The following CACNA1S variants were observed in gnomAD, a reference collection of about 807,000 sequenced individuals.
CACNA1S encodes the protein voltage-dependent L-type calcium channel subunit alpha-1S.
A neutral mutation model predicts 207.4 loss-of-function variants in CACNA1S; 126 were observed. That is an observed-to-expected ratio of 0.61 (90% CI 0.53 to 0.70). The LOEUF is 0.70. Among genes scored for constraint, CACNA1S ranks in the 30% least tolerant of loss-of-function variants. CACNA1S has a pLI of 0.00. For missense variants in CACNA1S, 2,349 were observed against 2,422.8 expected (o/e 0.97, Z 0.64); for synonymous variants, 960 against 932.7 (o/e 1.03, Z -0.53).
In CACNA1S at chr1:201,074,604, G is replaced by A; in HGVS notation, c.1965C>T (p.Val655=). 3 of 1,612,596 alleles carry A rather than the reference G, an allele frequency of 1.9e-6. No homozygotes were observed. The highest frequency in any genetic ancestry group is 1.1e-5 in the South Asian group (1 of 90,916). The change falls in exon 14 of 44, where the codon GTC becomes GTT. Residue 655 remains valine (V), a synonymous_variant. Coordinates refer to ENST00000362061, the MANE Select transcript of CACNA1S (RefSeq NM_000069.3). ...GGTTGTCCACGGCAATGGCCAGGAAGACATTGAGCAGGATGTCTGAGCGGG... is the reference window on the plus strand; with the variant it reads ...GGTTGTCCACGGCAATGGCCAGGAAAACATTGAGCAGGATGTCTGAGCGGG... The part of the protein sequence containing the change: ...FVCGNYILLN[V]FLAIAVDNLA...
At chr1:201,074,464 G>A (rs774212181) in intron 14 of CACNA1S, 42 bp downstream of exon 14, 9 of 1,297,850 alleles carry the variant, frequency 6.9e-6, no homozygotes, top group South Asian at 6.0e-5. Context: ...CCATGGCCAC[G>A]ACTGAGCACT....
chr1:201,097,535 C>G (rs142173496), intron 2 of CACNA1S, among the ~76,000 whole-genome samples: 4 of 152,198 alleles, frequency 2.6e-5, no homozygotes, highest in Admixed American at 6.5e-5. Context: ...TCTGACCCCC[C>G]ACAGGGAGCA....
chr1:201,053,135 T>G lies in CACNA1S; in HGVS notation c.3861+74A>C. On this transcript the variant is annotated intron_variant, in intron 31 of 43. Transcript: ENST00000362061. This position sits in a 1 kb window ranked among gnomAD's most constrained non-coding sequence, Gnocchi z 5.1. ...GGTCCAGCCCGTGTGCTGCTCAGGC[T>G]CCTCAGGGTCCACTGATGCCCCCTC... is the stretch of plus-strand genomic sequence containing the variant. 6.5e-7 allele frequency: 1 copy of G among 1,532,598 alleles called. No homozygotes were observed. Among genetic ancestry groups the G allele is most frequent in the African/African-American group, 1.4e-5 (1 of 73,390 alleles). The allele number at this position is 1,532,598 out of a possible 1,614,324, so 94.9% of individuals were successfully genotyped here. A position where few individuals can be genotyped will look rare whatever the true frequency, so the allele number is the denominator to read the frequency against.
chr1:201,110,524 C>T (rs1663059553), intron 1 of CACNA1S, among the ~76,000 whole-genome samples: 1 of 152,182 alleles, frequency 6.6e-6, no homozygotes, highest in Admixed American at 6.5e-5. Flanking sequence ...TGGCAAAGGT[C>T]TGGTCCCTGG....
At position 201,083,189 on chromosome 1, in the gene CACNA1S, G is replaced by A; in HGVS notation, c.1366C>T (p.Gln456Ter). 3.1e-6 allele frequency: 5 copies of A among 1,614,220 alleles called. No homozygotes were observed. The highest frequency in any genetic ancestry group is 4.2e-6 in the Non-Finnish European group (5 of 1,180,036). Residue 456 changes from glutamine to a stop codon, truncating the protein, a stop_gained, in exon 10 of 44, where the codon CAG becomes TAG. Coordinates refer to ENST00000362061, the MANE Select transcript of CACNA1S (RefSeq NM_000069.3). LOFTEE classifies it high-confidence loss of function. Reference sequence around the variant, plus strand: ...TGCAAACGGGTCAGCCAGAGAGGCTGGTTGTGGTGCTCTGAGGCGATAGAC... The same window carrying A: ...TGCAAACGGGTCAGCCAGAGAGGCTAGTTGTGGTGCTCTGAGGCGATAGAC... ...TLSIASEHHN[Q>*]PLWLTRLQDI...
At chr1:201,091,578 G>A in intron 5 of CACNA1S, 62 bp downstream of exon 5, 2 of 1,587,838 alleles carry the variant, frequency 1.3e-6, no homozygotes, top group Non-Finnish European at 1.7e-6. Context: ...CAGGTAGGGT[G>A]GCTCCCCCTT....
At chr1:201,098,063 T>C (rs973681858) in intron 2 of CACNA1S, among the ~76,000 whole-genome samples, 1 of 152,246 alleles carries the variant, frequency 6.6e-6, no homozygotes, top group African/African-American at 2.4e-5. Flanking sequence ...TGTTTTTAGC[T>C]GTTGTCAAAA....
intron 7 of CACNA1S, 106 bp from the exon 8 acceptor site, chr1:201,085,687 C>T: frequency 2.2e-6 from 3 of 1,363,284 alleles, no homozygotes; most frequent in Non-Finnish European, 3.1e-6. Context: ...CTGGAGCGCT[C>T]CTTTTTCTGG....
At chr1:201,091,513 C>A (rs1354226295) in intron 5 of CACNA1S, 127 bp downstream of exon 5, 11 of 1,061,698 alleles carry the variant, frequency 1.0e-5, no homozygotes, top group Non-Finnish European at 1.6e-5. Flanking sequence ...AGGAGAAACC[C>A]ATTCTCAAGG....
Position 201,093,946 on chromosome 1 carries a change from A to G in CACNA1S, c.334T>C (p.Phe112Leu). 1 of 1,614,192 alleles carries G rather than the reference A, an allele frequency of 6.2e-7. No individual in the cohort carries two copies. The highest frequency in any genetic ancestry group is 1.1e-5 in the South Asian group (1 of 91,084). The change falls in exon 3 of 44, where the codon TTC (phenylalanine) becomes CTC (leucine). Residue 112 changes from phenylalanine (F) to leucine (L), a missense_variant. By Grantham distance (22) the Phe-to-Leu change is conservative (BLOSUM62 0). Coordinates refer to ENST00000362061, the MANE Select transcript of CACNA1S (RefSeq NM_000069.3). Reference protein sequence around the residue: ...AMKIIAYGFLFHQDAYLRSGW... With the variant: ...AMKIIAYGFLLHQDAYLRSGW... ...CTGCGCAGGTAAGCGTCCTGGTGGA[A>G]TAAGAAGCCGTAGGCAATGATCTTC...
Position 201,058,467 on chromosome 1 carries a change from C to G in CACNA1S, c.3550G>C (p.Val1184Leu). 6.2e-7 allele frequency: 1 copy of G among 1,614,126 alleles called. No individual in the cohort carries two copies. The highest frequency in any genetic ancestry group is 8.5e-7 in the Non-Finnish European group (1 of 1,179,964). Reference protein sequence around the residue: ...ARGYFGDPWNVFDFLIVIGSI... With the variant: ...ARGYFGDPWNLFDFLIVIGSI... ...CCAATGACAATCAGGAAGTCAAACA[C>G]ATTCCAGGGGTCTCCAAAGTAGCCC... Residue 1184 changes from valine to leucine, a missense_variant, in exon 28 of 44, where the codon GTG (valine) becomes CTG (leucine). Physicochemically the swap from Val to Leu is conservative, Grantham distance 32. Coordinates refer to ENST00000362061, the MANE Select transcript of CACNA1S (RefSeq NM_000069.3).
intron 10 of CACNA1S, among the ~76,000 whole-genome samples, chr1:201,081,907 T>C (rs565909323): frequency 1.3e-5 from 2 of 152,326 alleles, no homozygotes; most frequent in Admixed American, 6.5e-5. Flanking sequence ...TCCATCACGA[T>C]TGTAGGCTTT....
intron 18 of CACNA1S, 114 bp downstream of exon 18, chr1:201,069,358 T>C (rs1006454598): frequency 2.6e-6 from 4 of 1,513,776 alleles, no homozygotes; most frequent in African/African-American, 1.4e-5. Context: ...GGAACTGAAC[T>C]CTAAGAAACT....
chr1:201,065,972 T>G (rs1303132705), intron 21 of CACNA1S, 27 bp from the exon 22 acceptor site: 2 of 1,505,568 alleles, frequency 1.3e-6, no homozygotes, highest in Non-Finnish European at 1.8e-6. Context: ...CAATGGGGAC[T>G]GGGGGTGCAC....
chr1:201,050,139 A>G (rs1198623745), intron 34 of CACNA1S, among the ~76,000 whole-genome samples: 2 of 151,866 alleles, frequency 1.3e-5, no homozygotes, highest in Non-Finnish European at 2.9e-5. Context: ...ATAGCTTCCT[A>G]CTCCTAGGAG....
In CACNA1S at chr1:201,077,040, G is replaced by A; in HGVS notation, c.1707C>T (p.Phe569=). ...IASLLLLLFL[F]IVIFALLGMQ... is the part of the protein sequence containing the mutation. ...TGCCCAGGAGGGCGAAGATGACGAT[G>A]AAGAGGAAGAGCAGCAGCAGCAGGG... is the stretch of plus-strand genomic sequence containing the variant. Residue 569 remains phenylalanine (F), a synonymous_variant, in exon 12 of 44, where the codon TTC becomes TTT. Coordinates refer to ENST00000362061, the MANE Select transcript of CACNA1S (RefSeq NM_000069.3). The A allele has an allele frequency of 7.4e-6, 12 of 1,614,214 alleles. No homozygotes were observed. Among genetic ancestry groups the A allele is most frequent in the Non-Finnish European group, 1.0e-5 (12 of 1,180,042 alleles).
At position 201,061,963 on chromosome 1, in the gene CACNA1S, T is replaced by C; in HGVS notation, c.3034A>G (p.Thr1012Ala). 6.2e-7 allele frequency: 1 copy of C among 1,614,174 alleles called. No homozygotes were observed. The highest frequency in any genetic ancestry group is 8.5e-7 in the Non-Finnish European group (1 of 1,180,024). The change falls in exon 24 of 44, where the codon ACC (threonine) becomes GCC (alanine). Residue 1012 changes from threonine to alanine, a missense_variant. Physicochemically the swap from Thr to Ala is moderately conservative, Grantham distance 58. Coordinates refer to ENST00000362061, the MANE Select transcript of CACNA1S (RefSeq NM_000069.3). Reference protein sequence around the residue: ...SAMMSLFTVSTFEGWPQLLYK... With the variant: ...SAMMSLFTVSAFEGWPQLLYK... The stretch of plus-strand genomic sequence containing the variant: ...ACTCACTGAGGCCATCCCTCGAAGG[T>C]GGAGACCGTGAAGAGGGACATCATG...
rs746459743 is a variant in CACNA1S, at chr1:201,091,677, C to T, written c.657G>A (p.Lys219=). Residue 219 remains lysine (K), a synonymous_variant, in exon 5 of 44, where the codon AAG becomes AAA. Coordinates refer to ENST00000362061, the MANE Select transcript of CACNA1S (RefSeq NM_000069.3). ...AGTAGCAGGTCTTGTGCATCTTGCC[C>T]TTGAAGAGCTCCAGCCCGATGATGG... ...IYAIIGLELF[K]GKMHKTCYFI... 1.9e-6 allele frequency: 3 copies of T among 1,614,214 alleles called. No homozygotes were observed. In the South Asian group the frequency reaches 3.3e-5, roughly 18 times the overall value.
chr1:201,049,168 G>T, intron 34 of CACNA1S, 69 bp from the exon 35 acceptor site: 1 of 1,086,030 alleles, frequency 9.2e-7, no homozygotes, highest in Non-Finnish European at 1.4e-6. Context: ...CTGCTCAGAG[G>T]ATGGGCAATG....
Sources: allele counts gnomAD v4.1 joint callset (sites outside exome capture counted in the v4.1 genomes callset), GRCh38; gene constraint gnomAD v4.1.1; non-coding constraint Gnocchi (gnomAD v3.1); transcripts MANE v1.5; gene names NCBI Gene and HGNC (gene_info 2026-07-23, HGNC 2026-07-21).